Variants in SLC14A2 observed in about 807,000 individuals in gnomAD.
SLC14A2 encodes the protein urea transporter 2.
In SLC14A2, 91 loss-of-function variants were observed where a neutral mutation model predicts 104.6. That is an observed-to-expected ratio of 0.87 (90% CI 0.73 to 1.04). The LOEUF (loss-of-function observed/expected upper bound fraction) is 1.04. Ranked by LOEUF, SLC14A2 falls within the 50% of genes least tolerant of loss-of-function variation. The pLI is 0.00. For synonymous variants in SLC14A2, 476 were observed against 466.4 expected (o/e 1.02, Z -0.27); for missense variants, 1,189 against 1,156.0 (o/e 1.03, Z -0.41).
At chr18:45,412,742 G>A (rs1269257150) in intron 1 of SLC14A2, among the ~76,000 whole-genome samples, 1 of 152,216 alleles carries the variant, frequency 6.6e-6, no homozygotes, top group Non-Finnish European at 1.5e-5. Flanking sequence ...CTGTAAGGCT[G>A]AGTCATAGGG....
chr18:45,224,531 C>T (rs1444282642), intron 1 of SLC14A2, among the ~76,000 whole-genome samples: 1 of 151,912 alleles, frequency 6.6e-6, no homozygotes, highest in African/African-American at 2.4e-5. Context: ...CTATGGGAGA[C>T]AGGAAACCTT....
intron 1 of SLC14A2, among the ~76,000 whole-genome samples, chr18:45,284,992 T>G (rs2084799119): frequency 6.6e-6 from 1 of 151,942 alleles, no homozygotes; most frequent in Non-Finnish European, 1.5e-5. Flanking sequence ...TAAATAAACT[T>G]TTAATTCTGG....
intron 1 of SLC14A2, among the ~76,000 whole-genome samples, chr18:45,380,431 G>A (rs2085822360): frequency 1.3e-5 from 2 of 152,162 alleles, no homozygotes; most frequent in Admixed American, 6.5e-5. Flanking sequence ...GCCCTGGATG[G>A]GTGATATGGG....
chr18:45,203,727 C>A, the SLC14A2 span, among the ~76,000 whole-genome samples: 1 of 152,106 alleles, frequency 6.6e-6, no homozygotes, highest in African/African-American at 2.4e-5. Flanking sequence ...ACCCCCATAC[C>A]CTAATCCAAC....
intron 1 of SLC14A2, among the ~76,000 whole-genome samples, chr18:45,615,836 T>TGAGAGAGAGAGA (rs779783446): frequency 5.0e-4 from 75 of 148,644 alleles, no homozygotes; most frequent in Non-Finnish European, 7.4e-5. Flanking sequence ...TGTGTGTGTG[T>TGAGAGAGAGAGA]GAGAGAGAGA....
chr18:45,590,103 T>C (rs1024357543), intron 2 of SLC14A2, among the ~76,000 whole-genome samples: 1 of 152,158 alleles, frequency 6.6e-6, no homozygotes, highest in Non-Finnish European at 1.5e-5. Flanking sequence ...TGGCAGACAT[T>C]TAGGTTCTGC....
chr18:45,217,222 T>A (rs1015587985), intron 1 of SLC14A2, among the ~76,000 whole-genome samples: 1 of 148,714 alleles, frequency 6.7e-6, no homozygotes, highest in African/African-American at 2.4e-5. Context: ...TTATATATGT[T>A]TTTATATATA....
At chr18:45,363,089 G>T (rs1479762164) in intron 1 of SLC14A2, among the ~76,000 whole-genome samples, 2 of 152,094 alleles carry the variant, frequency 1.3e-5, no homozygotes, top group Non-Finnish European at 2.9e-5. Flanking sequence ...GCCAAATCAA[G>T]AGCGTTGTAT....
At chr18:45,370,895 A>G (rs1269961645) in intron 1 of SLC14A2, among the ~76,000 whole-genome samples, 1 of 152,150 alleles carries the variant, frequency 6.6e-6, no homozygotes, top group Non-Finnish European at 1.5e-5. Flanking sequence ...TATGTGGGAA[A>G]AGTCTCTTTG....
chr18:45,374,714 A>G (rs544889832), intron 1 of SLC14A2, among the ~76,000 whole-genome samples: 1 of 152,224 alleles, frequency 6.6e-6, no homozygotes, highest in Non-Finnish European at 1.5e-5. Flanking sequence ...TTTGTACAAA[A>G]ATCAGTTACT....
the SLC14A2 span, among the ~76,000 whole-genome samples, chr18:45,207,257 AGG>A: frequency 6.6e-6 from 1 of 150,948 alleles, no homozygotes; most frequent in Non-Finnish European, 1.5e-5. Flanking sequence ...GTTGGAGGAA[AGG>A]GAGAGATGGA....
Position 45,260,211 on chromosome 18 carries a change from A to G in SLC14A2, c.-125+47020A>G, listed in dbSNP as rs570096014. Among the ~76,000 whole-genome samples, 10 of 152,314 alleles carry G rather than the reference A, an allele frequency of 6.6e-5. 1 individual carries two copies. The East Asian group carries it at 1.5e-3, about 23-fold the overall frequency. On this transcript the variant is annotated intron_variant, in intron 1 of 20. Coordinates refer to the SLC14A2 transcript ENST00000586448. The stretch of plus-strand genomic sequence containing the variant: ...ATTTATTGAGCAGCTCCTCTGTGCA[A>G]TGGATCATACTAGGGAAGGCATAAA...
intron 2 of SLC14A2, among the ~76,000 whole-genome samples, chr18:45,594,910 A>G (rs774120372): frequency 2.6e-5 from 4 of 152,112 alleles, no homozygotes; most frequent in Non-Finnish European, 5.9e-5. Context: ...GCAACTACGC[A>G]TGCCACACCT....
At chr18:45,642,565 G>C (rs1193080125) in intron 8 of SLC14A2, among the ~76,000 whole-genome samples, 1 of 152,236 alleles carries the variant, frequency 6.6e-6, no homozygotes, top group Non-Finnish European at 1.5e-5. Context: ...AGAGGCACCA[G>C]CTACATGGAC....
intron 2 of SLC14A2, among the ~76,000 whole-genome samples, chr18:45,544,463 G>A (rs2144865514): frequency 6.6e-6 from 1 of 152,258 alleles, no homozygotes; most frequent in East Asian, 1.9e-4. Flanking sequence ...TGTTCCTGAT[G>A]TTGTCTTGTT....
chr18:45,448,869 C>T (rs1441792999), intron 1 of SLC14A2, among the ~76,000 whole-genome samples: 1 of 152,182 alleles, frequency 6.6e-6, no homozygotes, highest in East Asian at 1.9e-4. Flanking sequence ...AAAGTAGGTA[C>T]CCAGTAAATA....
intron 1 of SLC14A2, among the ~76,000 whole-genome samples, chr18:45,264,068 CTCTA>C (rs967530026): frequency 2.6e-5 from 4 of 152,166 alleles, no homozygotes; most frequent in African/African-American, 7.2e-5. Flanking sequence ...ATCCATCTAT[CTCTA>C]TCTATTAGAA....
At chr18:45,516,874 G>A (rs922495579) in intron 2 of SLC14A2, among the ~76,000 whole-genome samples, 1 of 152,260 alleles carries the variant, frequency 6.6e-6, no homozygotes, top group African/African-American at 2.4e-5. Flanking sequence ...GCTCTGTGAA[G>A]AAATAGATCA....
chr18:45,360,098 T>A (rs114972817), intron 1 of SLC14A2, among the ~76,000 whole-genome samples: 3,823 of 152,190 alleles, frequency 0.025, 150 homozygotes, highest in African/African-American at 0.085. Flanking sequence ...TACCCTCACC[T>A]CCTCCCTTCC....
Sources: allele counts gnomAD v4.1 joint callset (sites outside exome capture counted in the v4.1 genomes callset), GRCh38; gene constraint gnomAD v4.1.1; transcripts MANE v1.5; gene names NCBI Gene and HGNC (gene_info 2026-07-23, HGNC 2026-07-21).